CA12: variants seen among roughly 807,000 people sequenced by gnomAD.
CA12 encodes carbonate dehydratase XII.
Under a neutral mutation model 46.8 loss-of-function variants are expected in CA12, and 36 were observed. That is an observed-to-expected ratio of 0.77 (90% CI 0.59 to 1.02). CA12 has a LOEUF of 1.02. Among genes scored for constraint, CA12 ranks in the 50% least tolerant of loss-of-function variants. CA12 has a pLI of 0.00. For synonymous variants in CA12, 202 were observed against 187.0 expected (o/e 1.08, Z -0.65); for missense variants, 436 against 451.4 (o/e 0.97, Z 0.31).
intron 4 of CA12, among the ~76,000 whole-genome samples, chr15:63,343,761 T>C (rs1242005519): frequency 6.6e-6 from 1 of 152,084 alleles, no homozygotes; most frequent in Admixed American, 6.5e-5. Context: ...GAAGTAGAAA[T>C]ATTTTAAAAC....
chr15:63,345,503 C>A lies in CA12; in HGVS notation c.403G>T (p.Val135Phe). The change falls in exon 4 of 11, where the codon GTC becomes TTC. Residue 135 changes from valine (V) to phenylalanine (F), a missense_variant. Physicochemically the swap from Val to Phe is conservative, Grantham distance 50 (BLOSUM62 -1). Coordinates refer to ENST00000178638, the MANE Select transcript of CA12 (RefSeq NM_001218.5). The surrounding 1 kb of genome is among the most constrained non-coding windows in gnomAD (Gnocchi z 4.3). ...PNDPHGSEHT[V>F]SGQHFAAELH... ...TCGGCGGCGAAGTGCTGTCCGCTGA[C>A]GGTGTGCTCAGAGCCGTGCGGGTCA... 6.2e-7 allele frequency: 1 copy of A among 1,610,918 alleles called. No homozygotes were observed. Among genetic ancestry groups the A allele is most frequent in the South Asian group, 1.1e-5 (1 of 91,068 alleles).
rs2038890042 is a variant in CA12 at position 63,328,045 on chromosome 15, A to C, written c.907+53T>G. ...AGGACGGGCTTGGATCACACCAAGA[A>C]TCACAGTGATCACCCAGCTGCAGCA... On this transcript the variant is annotated intron_variant, in intron 9 of 10. Transcript: ENST00000178638. The surrounding 1 kb of genome is among the most constrained non-coding windows in gnomAD (Gnocchi z 5.9). 6.4e-7 allele frequency: 1 copy of C among 1,559,488 alleles called. No homozygotes were observed. Among genetic ancestry groups the C allele is most frequent in the African/African-American group, 1.4e-5 (1 of 73,744 alleles).
At chr15:63,359,133 G>T (rs1056322894) in intron 2 of CA12, among the ~76,000 whole-genome samples, 4 of 152,032 alleles carry the variant, frequency 2.6e-5, no homozygotes, top group Non-Finnish European at 4.4e-5. Flanking sequence ...TTCAACACCA[G>T]CTCTGCCCCT....
intron 2 of CA12, among the ~76,000 whole-genome samples, chr15:63,370,648 C>T (rs2039491646): frequency 6.6e-6 from 1 of 151,520 alleles, no homozygotes; most frequent in African/African-American, 2.4e-5. Context: ...TGGTGGGTGC[C>T]TGTAATCCCA....
chr15:63,368,869 C>A (rs1371129940), intron 2 of CA12, among the ~76,000 whole-genome samples: 1 of 152,228 alleles, frequency 6.6e-6, no homozygotes, highest in Non-Finnish European at 1.5e-5. Context: ...TAGCTCAGCC[C>A]CAAGTTTCTT....
chr15:63,336,025 C>T (rs2038999359), intron 8 of CA12, among the ~76,000 whole-genome samples: 1 of 152,210 alleles, frequency 6.6e-6, no homozygotes, highest in Admixed American at 6.5e-5. Flanking sequence ...TATAATCAGC[C>T]TCCAGATGGA....
At chr15:63,361,423 G>A (rs2039362060) in intron 2 of CA12, among the ~76,000 whole-genome samples, 1 of 152,134 alleles carries the variant, frequency 6.6e-6, no homozygotes, top group Non-Finnish European at 1.5e-5. Context: ...CCCTTCAGGG[G>A]ACATTGGCAA....
At position 63,340,849 on chromosome 15, in the gene CA12, T is replaced by G; in HGVS notation, c.526-66A>C. 7.0e-7 allele frequency: 1 copy of G among 1,436,022 alleles called. No individual in the cohort carries two copies. The highest frequency in any genetic ancestry group is 1.1e-5 in the South Asian group (1 of 86,964). The allele number at this position is 1,436,022 out of a possible 1,614,324, so 89.0% of individuals were successfully genotyped here. On this transcript the variant is annotated intron_variant, in intron 5 of 10. Coordinates refer to ENST00000178638, the MANE Select transcript of CA12 (RefSeq NM_001218.5). This position sits in a 1 kb window ranked among gnomAD's most constrained non-coding sequence, Gnocchi z 4.4. Reference sequence around the variant, plus strand: ...GATAGGCTGAGCCAGGATTGACGATTGCTATCAGAAGGGCAAAGCTGTGGG... The same window carrying G: ...GATAGGCTGAGCCAGGATTGACGATGGCTATCAGAAGGGCAAAGCTGTGGG...
rs1385754311 is a variant in CA12, at chr15:63,348,259, T to C, written c.107-1550A>G. Among the ~76,000 whole-genome samples the C allele has an allele frequency of 6.6e-6, 1 of 152,214 alleles. No individual in the cohort carries two copies. The highest frequency in any genetic ancestry group is 1.5e-5 in the Non-Finnish European group (1 of 68,042). The stretch of plus-strand genomic sequence containing the variant: ...GGACACCAGTCTTCTCACTTGGGCA[T>C]GGCAGAGTCTCCGCTGAGCTCTACT... On this transcript the variant is annotated intron_variant, in intron 2 of 10. Coordinates refer to ENST00000178638, the MANE Select transcript of CA12 (RefSeq NM_001218.5). This position sits in a 1 kb window ranked among gnomAD's most constrained non-coding sequence, Gnocchi z 4.6.
At position 63,374,383 on chromosome 15, in the gene CA12, C is replaced by G. The variant is rs1029873063; in HGVS notation, c.106+1275G>C. ...CCTCCAGGAGGCCTTCCCTGACCAT[C>G]TAGCCCTAGCACACTCGCCCTCCTT... On this transcript the variant is annotated intron_variant, in intron 2 of 10. Coordinates refer to ENST00000178638, the MANE Select transcript of CA12 (RefSeq NM_001218.5). This position sits in a 1 kb window ranked among gnomAD's most constrained non-coding sequence, Gnocchi z 4.4. 6.6e-6 allele frequency among the ~76,000 whole-genome samples: 1 copy of G among 152,242 alleles called. No homozygotes were observed. The highest frequency in any genetic ancestry group is 2.4e-5 in the African/African-American group (1 of 41,470).
chr15:63,324,903 C>G lies in CA12; in HGVS notation c.*1382G>C, dbSNP rs1199692926. ...ATGCTGTCAAAATGAGACTGTGAAT[C>G]AGAAAGTTCTCGGGGAACTGCAAGG... On this transcript the variant is annotated 3_prime_UTR_variant, in exon 11 of 11. Coordinates refer to ENST00000178638, the MANE Select transcript of CA12 (RefSeq NM_001218.5). 1 of 152,070 alleles carries G rather than the reference C, an allele frequency of 6.6e-6. No homozygotes were observed. Among genetic ancestry groups the G allele is most frequent in the Non-Finnish European group, 1.5e-5 (1 of 68,030 alleles). 9.4% of individuals were successfully genotyped at this position (152,070 alleles called of 1,614,324 possible). A position where few individuals can be genotyped will look rare whatever the true frequency, so the allele number is the denominator to read the frequency against.
chr15:63,351,736 G>A (rs1382923574), intron 2 of CA12, among the ~76,000 whole-genome samples: 1 of 152,188 alleles, frequency 6.6e-6, no homozygotes, highest in Non-Finnish European at 1.5e-5. Context: ...TCTAGTCCCT[G>A]ACTTGAACTT....
In CA12 at chr15:63,341,896, A is replaced by G; in HGVS notation, c.525+106T>C. Reference sequence around the variant, plus strand: ...CTGCTCTGGAGTTGACACGGAGTCGATACAGGAACAGCTGATTATCAACAG... The same window carrying G: ...CTGCTCTGGAGTTGACACGGAGTCGGTACAGGAACAGCTGATTATCAACAG... On this transcript the variant is annotated intron_variant, in intron 5 of 10. Transcript: ENST00000178638. This position sits in a 1 kb window ranked among gnomAD's most constrained non-coding sequence, Gnocchi z 5.2. The G allele has an allele frequency of 1.3e-6, 1 of 798,064 alleles. No individual in the cohort carries two copies. The highest frequency in any genetic ancestry group is 2.2e-6 in the Non-Finnish European group (1 of 460,498). 49.4% of individuals were successfully genotyped at this position (798,064 alleles called of 1,614,324 possible).
In CA12 at chr15:63,378,428, T is replaced by C. The variant is rs2039605419; in HGVS notation, c.86-2750A>G. On this transcript the variant is annotated intron_variant, in intron 1 of 10. Coordinates refer to ENST00000178638, the MANE Select transcript of CA12 (RefSeq NM_001218.5). The surrounding 1 kb of genome is among the most constrained non-coding windows in gnomAD (Gnocchi z 4.8). ...CTAAGCTTAGACACATAAAGTTTTA[T>C]ATACAAGTCATTTCAGAAGGTCCAC... 6.6e-6 allele frequency among the ~76,000 whole-genome samples: 1 copy of C among 152,076 alleles called. No individual in the cohort carries two copies. Among genetic ancestry groups the C allele is most frequent in the South Asian group, 2.1e-4 (1 of 4,826 alleles).
intron 2 of CA12, among the ~76,000 whole-genome samples, chr15:63,354,456 G>C (rs2039270289): frequency 1.3e-5 from 2 of 152,154 alleles, no homozygotes; most frequent in Non-Finnish European, 2.9e-5. Flanking sequence ...GTTGAGACTT[G>C]GGCTTGGTAA....
intron 2 of CA12, among the ~76,000 whole-genome samples, chr15:63,353,258 C>T (rs1200603509): frequency 1.3e-5 from 2 of 152,032 alleles, no homozygotes; most frequent in African/African-American, 4.8e-5. Context: ...GCAGGCTTCC[C>T]AGAGGAGGCG....
chr15:63,379,773 T>C (rs1456816472), intron 1 of CA12, among the ~76,000 whole-genome samples: 14 of 152,184 alleles, frequency 9.2e-5, no homozygotes, highest in Admixed American at 9.2e-4. Context: ...AACCATCTCC[T>C]GGGTAGCCCA....
chr15:63,327,881 A>G lies in CA12; in HGVS notation c.907+217T>C, dbSNP rs2038888301. On this transcript the variant is annotated intron_variant, in intron 9 of 10. Transcript: ENST00000178638. The surrounding 1 kb of genome is among the most constrained non-coding windows in gnomAD (Gnocchi z 4.5). The stretch of plus-strand genomic sequence containing the variant: ...TCTTAGATAGGTTCTTTGAATACAC[A>G]CATGCTGTAGAGTGATTGGATCTTT... 6.6e-6 allele frequency among the ~76,000 whole-genome samples: 1 copy of G among 152,186 alleles called. No homozygotes were observed. The highest frequency in any genetic ancestry group is 1.5e-5 in the Non-Finnish European group (1 of 68,024).
At chr15:63,349,283 T>C (rs1291731510) in intron 2 of CA12, among the ~76,000 whole-genome samples, 2 of 152,196 alleles carry the variant, frequency 1.3e-5, no homozygotes, top group Non-Finnish European at 2.9e-5. Flanking sequence ...TCAGGCAAAT[T>C]TGAATGAGTC....
Sources: gnomAD v4.1 joint callset for allele counts (sites outside exome capture counted in the v4.1 genomes callset) on GRCh38, gnomAD v4.1.1 for gene constraint, Gnocchi (gnomAD v3.1) non-coding constraint, MANE v1.5 for transcripts, NCBI Gene and HGNC (gene_info 2026-07-23, HGNC 2026-07-21) for gene names.